The following PATJ variants were observed in gnomAD, a reference collection of about 807,000 sequenced individuals.
The protein encoded by PATJ is PATJ crumbs cell polarity complex component.
PATJ carries 190 observed loss-of-function variants against 224.9 expected under a neutral mutation model. The observed-to-expected ratio is 0.84, with a 90% CI of 0.75 to 0.95. The LOEUF is 0.95. Among genes scored for constraint, PATJ ranks in the 40% least tolerant of loss-of-function variants. The pLI is 0.00. For synonymous variants in PATJ, 769 were observed against 820.3 expected, an observed-to-expected ratio of 0.94 and a Z score of 1.07; for missense variants, 2,121 against 2,270.3, an observed-to-expected ratio of 0.93 and a Z score of 1.34.
At chr1:61,841,668 A>G (rs1237669774) in intron 17 of PATJ, among the ~76,000 whole-genome samples, 1 of 150,184 alleles carries the variant, frequency 6.7e-6, no homozygotes, top group Non-Finnish European at 1.5e-5. Flanking sequence ...AGCAAAATGC[A>G]GTCAATCTGC....
intron 30 of PATJ, among the ~76,000 whole-genome samples, chr1:62,039,944 T>C (rs34331064): frequency 0.099 from 14,793 of 150,162 alleles, 855 homozygotes; most frequent in South Asian, 0.15. Flanking sequence ...GGTTGGGGGG[T>C]GGGGGCCCAT....
At chr1:62,125,511 C>A (rs1312718134) in intron 39 of PATJ, among the ~76,000 whole-genome samples, 1 of 152,020 alleles carries the variant, frequency 6.6e-6, no homozygotes, top group Non-Finnish European at 1.5e-5. Context: ...ATTTTTCCAC[C>A]AGAGTAGCAA....
intron 18 of PATJ, among the ~76,000 whole-genome samples, chr1:61,859,942 C>CA (rs1664295357): frequency 6.6e-6 from 1 of 151,970 alleles, no homozygotes; most frequent in Non-Finnish European, 1.5e-5. Flanking sequence ...GTTTACTGAA[C>CA]ATTTACTCAA....
chr1:61,803,455 T>C (rs188087884), intron 12 of PATJ, among the ~76,000 whole-genome samples: 1 of 152,316 alleles, frequency 6.6e-6, no homozygotes, highest in African/African-American at 2.4e-5. Context: ...TCGTCATCAA[T>C]ATAACGGTCT....
intron 33 of PATJ, among the ~76,000 whole-genome samples, chr1:62,099,113 C>T (rs556463204): frequency 1.3e-5 from 2 of 152,114 alleles, no homozygotes; most frequent in Admixed American, 6.5e-5. Context: ...GAGGATTTTG[C>T]CACCTCCGCC....
intron 16 of PATJ, among the ~76,000 whole-genome samples, chr1:61,830,187 A>G (rs1370022957): frequency 1.3e-5 from 2 of 152,226 alleles, no homozygotes; most frequent in African/African-American, 4.8e-5. Flanking sequence ...GTATCACTGT[A>G]CAAAAATCAG....
At chr1:62,102,859 C>CAAAAAAA in intron 33 of PATJ, among the ~76,000 whole-genome samples, 1 of 47,026 alleles carries the variant, frequency 2.1e-5, no homozygotes, top group Non-Finnish European at 4.3e-5. Context: ...TACCCTGTCT[C>CAAAAAAA]AAAAAAAAAA....
intron 23 of PATJ, 100 bp downstream of exon 23, chr1:61,899,754 G>GA: frequency 1.4e-6 from 1 of 718,140 alleles, no homozygotes; most frequent in Non-Finnish European, 2.2e-6. Context: ...TCTAATGATT[G>GA]AGAATTGCGA....
chr1:61,756,563 C>CTTT (rs370667808), intron 1 of PATJ, among the ~76,000 whole-genome samples: 3,380 of 65,476 alleles, frequency 0.052, 118 homozygotes, highest in Non-Finnish European at 0.057. Context: ...AACCAGGACA[C>CTTT]TTTTTTTTTT....
At chr1:61,756,563 CTTTTT>C (rs370667808) in intron 1 of PATJ, among the ~76,000 whole-genome samples, 18 of 65,622 alleles carry the variant, frequency 2.7e-4, no homozygotes, top group Non-Finnish European at 4.0e-4. Flanking sequence ...AACCAGGACA[CTTTTT>C]TTTTTTTTTT....
chr1:61,943,927 A>T (rs534590478), intron 27 of PATJ, among the ~76,000 whole-genome samples: 1 of 152,220 alleles, frequency 6.6e-6, no homozygotes, highest in Non-Finnish European at 1.5e-5. Flanking sequence ...GCCGTTCTGC[A>T]GCCTCTGCTG....
chr1:61,973,582 G>T (rs945334301), intron 27 of PATJ, among the ~76,000 whole-genome samples: 2 of 151,896 alleles, frequency 1.3e-5, no homozygotes, highest in African/African-American at 4.9e-5. Flanking sequence ...TGATGACCAC[G>T]ATCTGATGTG....
At chr1:62,037,319 G>A (rs778361974) in intron 29 of PATJ, among the ~76,000 whole-genome samples, 1 of 152,072 alleles carries the variant, frequency 6.6e-6, no homozygotes, top group Non-Finnish European at 1.5e-5. Flanking sequence ...GTGAAAATAG[G>A]TCCAGATAAT....
chr1:62,157,874 G>A (rs1210903603), intron 43 of PATJ, among the ~76,000 whole-genome samples: 1 of 145,054 alleles, frequency 6.9e-6, no homozygotes, highest in Non-Finnish European at 1.5e-5. Context: ...GCCAGCCTTA[G>A]GTCTTAGTCC....
intron 1 of PATJ, among the ~76,000 whole-genome samples, chr1:61,743,508 A>G (rs2148114119): frequency 6.6e-6 from 1 of 152,276 alleles, no homozygotes; most frequent in East Asian, 1.9e-4. Flanking sequence ...GTGCGCGACA[A>G]GTGTTTCTTA....
chr1:61,931,310 C>A (rs1220437129), intron 27 of PATJ, among the ~76,000 whole-genome samples: 3 of 151,592 alleles, frequency 2.0e-5, no homozygotes, highest in South Asian at 2.1e-4. Flanking sequence ...AGATTATAAA[C>A]AATCAGATAG....
At chr1:62,006,826 T>C (rs1646122394) in intron 28 of PATJ, among the ~76,000 whole-genome samples, 1 of 152,194 alleles carries the variant, frequency 6.6e-6, no homozygotes, top group Non-Finnish European at 1.5e-5. Flanking sequence ...GATACATTTC[T>C]GAGAAATGCG....
Position 62,147,497 on chromosome 1 carries a change from A to C in PATJ, c.5272-787A>C, listed in dbSNP as rs375134907. Among the ~76,000 whole-genome samples the C allele has an allele frequency of 3.3e-5, 5 of 152,180 alleles. No individual in the cohort carries two copies. In the East Asian group the frequency reaches 9.7e-4, roughly 29 times the overall value. ...CAACATGGCAAAAACTCCCTCTACA[A>C]ATACAAAAAAATTAGCCAGGGCTGG... is the stretch of plus-strand genomic sequence containing the variant. On this transcript the variant is annotated intron_variant, in intron 41 of 43. Coordinates refer to ENST00000642238, the MANE Select transcript of PATJ (RefSeq NM_001350145.3).
At chr1:61,911,196 T>G (rs1041604595) in intron 25 of PATJ, among the ~76,000 whole-genome samples, 2 of 152,050 alleles carry the variant, frequency 1.3e-5, no homozygotes, top group African/African-American at 4.8e-5. Flanking sequence ...TTTCTTGGGT[T>G]TTTTTTGTTG....
Sources: gnomAD v4.1 joint callset for allele counts (sites outside exome capture counted in the v4.1 genomes callset) on GRCh38, gnomAD v4.1.1 for gene constraint, MANE v1.5 for transcripts, NCBI Gene and HGNC (gene_info 2026-07-23, HGNC 2026-07-21) for gene names.